Variants in NXPH1 observed in about 807,000 individuals in gnomAD.
NXPH1 encodes the protein neurexophilin-1.
In NXPH1, 5 loss-of-function variants were observed where a neutral mutation model predicts 23.7. The ratio of observed to expected loss-of-function variants is 0.21; its 90% CI spans 0.11 to 0.44. The LOEUF is 0.44. Among genes scored for constraint, NXPH1 ranks in the 20% least tolerant of loss-of-function variants. NXPH1 has a pLI of 0.99. For synonymous variants in NXPH1, 144 were observed against 122.2 expected (o/e 1.18, Z -1.18); for missense variants, 324 against 321.6 (o/e 1.01, Z -0.06).
At chr7:8,597,288 A>G (rs1170360858) in intron 2 of NXPH1, among the ~76,000 whole-genome samples, 1 of 152,122 alleles carries the variant, frequency 6.6e-6, no homozygotes, top group East Asian at 1.9e-4. Flanking sequence ...AAGTTTATTT[A>G]GCTAGATTGC....
chr7:8,711,393 T>C (rs1779793199), intron 2 of NXPH1, among the ~76,000 whole-genome samples: 1 of 152,226 alleles, frequency 6.6e-6, no homozygotes, highest in South Asian at 2.1e-4. Flanking sequence ...CTATATCCTT[T>C]CTAGAGGCCT....
intron 2 of NXPH1, among the ~76,000 whole-genome samples, chr7:8,628,103 C>T (rs191065793): frequency 1.7e-3 from 256 of 152,094 alleles, no homozygotes; most frequent in African/African-American, 5.8e-3. Flanking sequence ...TATTTTAAAA[C>T]ATAACAGATA....
intron 2 of NXPH1, among the ~76,000 whole-genome samples, chr7:8,746,772 C>G (rs960434082): frequency 2.6e-5 from 4 of 151,952 alleles, no homozygotes; most frequent in Non-Finnish European, 5.9e-5. Flanking sequence ...TGTTGCAAAG[C>G]AGATCTCTAG....
chr7:8,708,693 C>A (rs1054435315), intron 2 of NXPH1, among the ~76,000 whole-genome samples: 2 of 151,912 alleles, frequency 1.3e-5, no homozygotes, highest in Non-Finnish European at 2.9e-5. Context: ...CCACCCCATA[C>A]AATTTTTTTT....
chr7:8,596,344 G>A (rs1819223763), intron 2 of NXPH1, among the ~76,000 whole-genome samples: 1 of 152,094 alleles, frequency 6.6e-6, no homozygotes, highest in African/African-American at 2.4e-5. Flanking sequence ...AGTTTGGAAA[G>A]TGACAGAATA....
At chr7:8,735,224 T>G (rs1780228376) in intron 2 of NXPH1, among the ~76,000 whole-genome samples, 2 of 152,210 alleles carry the variant, frequency 1.3e-5, no homozygotes, top group South Asian at 4.1e-4. Flanking sequence ...TGTGCCAGTT[T>G]TCCAAGGGAG....
intron 2 of NXPH1, among the ~76,000 whole-genome samples, chr7:8,643,709 A>C (rs906166532): frequency 6.6e-6 from 1 of 152,154 alleles, no homozygotes; most frequent in Non-Finnish European, 1.5e-5. Context: ...ACTGAACAAA[A>C]CTTTTTACTT....
chr7:8,701,359 C>A lies in NXPH1; in HGVS notation c.55-49649C>A, dbSNP rs180907066. Among the ~76,000 whole-genome samples the A allele has an allele frequency of 4.6e-5, 7 of 152,082 alleles. No homozygotes were observed. The East Asian group carries it at 9.7e-4, about 21-fold the overall frequency. On this transcript the variant is annotated intron_variant, in intron 2 of 2. Transcript: ENST00000405863. ...TCCTTAGCACTGTAACAAATTCTTTCATTCATTGGCCCTGATTCTTTTTCT... is the reference window on the plus strand; with the variant it reads ...TCCTTAGCACTGTAACAAATTCTTTAATTCATTGGCCCTGATTCTTTTTCT...
At chr7:8,750,616 G>T (rs983783888) in intron 2 of NXPH1, among the ~76,000 whole-genome samples, 1 of 152,000 alleles carries the variant, frequency 6.6e-6, no homozygotes, top group Non-Finnish European at 1.5e-5. Context: ...TAATTACTTT[G>T]GTTTATATTT....
chr7:8,526,065 G>C (rs1817856609), intron 2 of NXPH1, among the ~76,000 whole-genome samples: 1 of 152,212 alleles, frequency 6.6e-6, no homozygotes, highest in South Asian at 2.1e-4. Flanking sequence ...GCCAGCCTGT[G>C]AAAGCAGCCA....
intron 2 of NXPH1, among the ~76,000 whole-genome samples, chr7:8,504,169 C>A (rs1462143267): frequency 6.6e-6 from 1 of 152,036 alleles, no homozygotes; most frequent in Non-Finnish European, 1.5e-5. Context: ...CATTTCCAAA[C>A]AATCTTGTTC....
rs559813133 is a variant in NXPH1 at position 8,589,397 on chromosome 7, A to G, written c.54+153630A>G. ...CAATATTAGTCCTTGAAATATTACT[A>G]TCCAGAAGGAGAAAGTAAGTATGCA... On this transcript the variant is annotated intron_variant, in intron 2 of 2. Coordinates refer to ENST00000405863, the MANE Select transcript of NXPH1 (RefSeq NM_152745.3). 2.8e-4 allele frequency among the ~76,000 whole-genome samples: 42 copies of G among 152,234 alleles called. 2 individuals carry two copies. The South Asian group carries it at 8.5e-3, about 31-fold the overall frequency.
chr7:8,700,628 A>G (rs538642348), intron 2 of NXPH1, among the ~76,000 whole-genome samples: 1 of 152,104 alleles, frequency 6.6e-6, no homozygotes, highest in Non-Finnish European at 1.5e-5. Flanking sequence ...TCACTTTTTT[A>G]TTATATTTGC....
chr7:8,442,206 C>A lies in NXPH1; in HGVS notation c.54+6439C>A, dbSNP rs886979873. 6.6e-6 allele frequency among the ~76,000 whole-genome samples: 1 copy of A among 152,222 alleles called. No individual in the cohort carries two copies. The highest frequency in any genetic ancestry group is 1.5e-5 in the Non-Finnish European group (1 of 68,046). ...CGGAAATACGATGGGGAGGGGGAGA[C>A]ACAGGCCGCATCCAGAGCGCATCGC... On this transcript the variant is annotated intron_variant, in intron 2 of 2. Coordinates refer to ENST00000405863, the MANE Select transcript of NXPH1 (RefSeq NM_152745.3). This position sits in a 1 kb window ranked among gnomAD's most constrained non-coding sequence, Gnocchi z 4.6.
chr7:8,574,432 G>A (rs1312771931), intron 2 of NXPH1, among the ~76,000 whole-genome samples: 2 of 151,944 alleles, frequency 1.3e-5, no homozygotes, highest in African/African-American at 2.4e-5. Context: ...TCACATAGAT[G>A]TTTTTATGGA....
chr7:8,643,731 ATTAC>A (rs1285068196), intron 2 of NXPH1, among the ~76,000 whole-genome samples: 1 of 152,008 alleles, frequency 6.6e-6, no homozygotes, highest in African/African-American at 2.4e-5. Flanking sequence ...TAGGTTCTTT[ATTAC>A]TTTATTACTT....
rs949281007 is a variant in NXPH1 at position 8,435,392 on chromosome 7, C to T, written c.-110-212C>T. 2.2e-6 allele frequency: 1 copy of T among 453,766 alleles called. No homozygotes were observed. The highest frequency in any genetic ancestry group is 2.3e-5 in the South Asian group (1 of 42,810). 28.1% of individuals were successfully genotyped at this position (453,766 alleles called of 1,614,324 possible). ...GCGCAGGGGGCAAGGAGCCCCTCAC[C>T]CTCCCTCTCGTCCGCCCGCCCGCCT... On this transcript the variant is annotated intron_variant, in intron 1 of 2. Coordinates refer to ENST00000405863, the MANE Select transcript of NXPH1 (RefSeq NM_152745.3). The surrounding 1 kb of genome is among the most constrained non-coding windows in gnomAD (Gnocchi z 5.9).
At chr7:8,713,887 C>T (rs1304382223) in intron 2 of NXPH1, among the ~76,000 whole-genome samples, 4 of 152,200 alleles carry the variant, frequency 2.6e-5, no homozygotes, top group African/African-American at 9.7e-5. Flanking sequence ...CTTTGGCCAC[C>T]ACCACTGGAA....
intron 2 of NXPH1, among the ~76,000 whole-genome samples, chr7:8,683,087 C>A (rs1293273524): frequency 1.3e-5 from 2 of 152,204 alleles, no homozygotes; most frequent in African/African-American, 4.8e-5. Context: ...AAACATGACA[C>A]CAGCATCTGC....
Sources: allele counts gnomAD v4.1 joint callset (sites outside exome capture counted in the v4.1 genomes callset), GRCh38; gene constraint gnomAD v4.1.1; non-coding constraint Gnocchi (gnomAD v3.1); transcripts MANE v1.5; gene names NCBI Gene and HGNC (gene_info 2026-07-23, HGNC 2026-07-21).